Variants in HRH1 observed in about 807,000 individuals in gnomAD.
HRH1 encodes the protein histamine receptor H1, also known as histamine H1 receptor.
Under a neutral mutation model 10.3 loss-of-function variants are expected in HRH1, and 6 were observed. The ratio of observed to expected loss-of-function variants is 0.58; its 90% CI spans 0.32 to 1.15. The LOEUF (loss-of-function observed/expected upper bound fraction) is 1.15, where lower values mean the gene tolerates loss of function less well. Ranked by LOEUF, HRH1 falls within the 50% of genes most tolerant of loss-of-function variation. The pLI is 0.05. For missense variants in HRH1, 514 were observed against 615.3 expected (o/e 0.84, Z 1.74); for synonymous variants, 242 against 236.7 (o/e 1.02, Z -0.21).
At chr3:11,225,780 G>A in intron 1 of HRH1, among the ~76,000 whole-genome samples, 1 of 152,228 alleles carries the variant, frequency 6.6e-6, no homozygotes, top group Non-Finnish European at 1.5e-5. Flanking sequence ...CTGCCTCCCG[G>A]GTTCAGGCGA....
At chr3:11,169,401 G>A (rs1034199594) in intron 1 of HRH1, among the ~76,000 whole-genome samples, 1 of 152,182 alleles carries the variant, frequency 6.6e-6, no homozygotes, top group African/African-American at 2.4e-5. Context: ...GAAACGAAGA[G>A]ATGGGGGAAG....
chr3:11,181,892 A>G (rs1937361995), intron 1 of HRH1, among the ~76,000 whole-genome samples: 1 of 152,100 alleles, frequency 6.6e-6, no homozygotes, highest in Admixed American at 6.5e-5. Flanking sequence ...TGGCTTCCCA[A>G]AGTGCTGGGA....
chr3:11,158,845 T>C (rs1007360620), intron 1 of HRH1, among the ~76,000 whole-genome samples: 2 of 152,246 alleles, frequency 1.3e-5, no homozygotes, highest in Non-Finnish European at 2.9e-5. Context: ...AAACACCATA[T>C]ACAATTGTAA....
At chr3:11,147,781 C>A (rs1936488253) in intron 1 of HRH1, among the ~76,000 whole-genome samples, 1 of 152,160 alleles carries the variant, frequency 6.6e-6, no homozygotes, top group Non-Finnish European at 1.5e-5. Flanking sequence ...GGTGAAGTGA[C>A]TTTCTAAATA....
chr3:11,253,972 G>A (rs879902347), intron 1 of HRH1, among the ~76,000 whole-genome samples: 3 of 151,996 alleles, frequency 2.0e-5, no homozygotes, highest in Non-Finnish European at 4.4e-5. Context: ...GGGAGAGGAA[G>A]GTTCTTCAGT....
chr3:11,199,991 G>A lies in HRH1; in HGVS notation c.-36+45437G>A, dbSNP rs1057025256. Among the ~76,000 whole-genome samples, 3 of 152,148 alleles carry A rather than the reference G, an allele frequency of 2.0e-5. No individual in the cohort carries two copies. In the East Asian group the frequency reaches 5.8e-4, roughly 29 times the overall value. ...TGTTGCTGGTGATTTGTTCAGTAGTGGACATGACACATGTGGGAGGTTGGT... is the reference window on the plus strand; with the variant it reads ...TGTTGCTGGTGATTTGTTCAGTAGTAGACATGACACATGTGGGAGGTTGGT... On this transcript the variant is annotated intron_variant, in intron 1 of 1. Transcript: ENST00000431010.
intron 1 of HRH1, among the ~76,000 whole-genome samples, chr3:11,156,950 C>CTA (rs1344638966): frequency 2.6e-5 from 4 of 152,230 alleles, no homozygotes; most frequent in Non-Finnish European, 5.9e-5. Flanking sequence ...TAGTCTGAGA[C>CTA]TTGAAGTCTC....
chr3:11,183,576 G>A (rs1417534973), intron 1 of HRH1, among the ~76,000 whole-genome samples: 1 of 152,156 alleles, frequency 6.6e-6, no homozygotes, highest in Non-Finnish European at 1.5e-5. Context: ...CTACAGAACT[G>A]GTCCTGCTCT....
chr3:11,140,600 C>A (rs759272728), intron 1 of HRH1, among the ~76,000 whole-genome samples: 1 of 152,142 alleles, frequency 6.6e-6, no homozygotes, highest in Non-Finnish European at 1.5e-5. Flanking sequence ...ACCCTGCTCG[C>A]GGGTGACCTC....
chr3:11,182,814 G>A (rs918615853), intron 1 of HRH1, among the ~76,000 whole-genome samples: 10 of 152,148 alleles, frequency 6.6e-5, no homozygotes, highest in Non-Finnish European at 1.5e-4. Flanking sequence ...GAGAGGTGAA[G>A]TTTCTTACCT....
Position 11,154,948 on chromosome 3 carries a change from G to A in HRH1, c.-36+394G>A, listed in dbSNP as rs1056815327. Among the ~76,000 whole-genome samples, 22 of 152,226 alleles carry A rather than the reference G, an allele frequency of 1.4e-4. No homozygotes were observed. Among genetic ancestry groups the A allele is most frequent in the African/African-American group, 4.6e-4 (19 of 41,466 alleles). The stretch of plus-strand genomic sequence containing the variant: ...ACCGTAGTGCCAGCCCATTGGTTGA[G>A]TGCGTTCACTGTGCCAGGCTTTGGG... On this transcript the variant is annotated intron_variant, in intron 1 of 1. Transcript: ENST00000431010. This position sits in a 1 kb window ranked among gnomAD's most constrained non-coding sequence, Gnocchi z 4.4.
At chr3:11,205,135 G>A (rs1472244424) in intron 1 of HRH1, among the ~76,000 whole-genome samples, 1 of 152,240 alleles carries the variant, frequency 6.6e-6, no homozygotes, top group Non-Finnish European at 1.5e-5. Flanking sequence ...TTCTTGGTAG[G>A]TAGGTCTGAG....
chr3:11,232,940 A>G (rs1346933914), intron 1 of HRH1, among the ~76,000 whole-genome samples: 1 of 152,228 alleles, frequency 6.6e-6, no homozygotes, highest in African/African-American at 2.4e-5. Context: ...TCTGAAAAAT[A>G]TAATGCCATT....
intron 1 of HRH1, chr3:11,234,674 A>C: frequency 3.3e-6 from 4 of 1,209,068 alleles, no homozygotes; most frequent in Non-Finnish European, 3.7e-6. Context: ...TGCCGGCAGT[A>C]GGACATGGCT....
At chr3:11,224,120 T>A (rs1002323609) in intron 1 of HRH1, among the ~76,000 whole-genome samples, 1 of 152,148 alleles carries the variant, frequency 6.6e-6, no homozygotes, top group Non-Finnish European at 1.5e-5. Flanking sequence ...CTCAACCATC[T>A]CATTTCACTC....
At chr3:11,152,642 C>T (rs931459279), upstream of HRH1, among the ~76,000 whole-genome samples, 7 of 146,844 alleles carry the variant, frequency 4.8e-5, no homozygotes, top group Admixed American at 1.4e-4. Context: ...CCACCTCCAT[C>T]CCCCCCTTAC....
chr3:11,178,848 ATCACT>A (rs1476455264), intron 1 of HRH1, among the ~76,000 whole-genome samples: 4 of 152,036 alleles, frequency 2.6e-5, no homozygotes, highest in Admixed American at 6.6e-5. Flanking sequence ...ACTTGGGTAA[ATCACT>A]TCACCTCTCG....
intron 1 of HRH1, among the ~76,000 whole-genome samples, chr3:11,175,901 G>A (rs1937239462): frequency 6.6e-6 from 1 of 152,190 alleles, no homozygotes; most frequent in African/African-American, 2.4e-5. Context: ...GCTCACGCCT[G>A]TAATCCTAGC....
rs114950305 is a variant in HRH1, at chr3:11,234,673, T to C, written c.-35-24330T>C. On this transcript the variant is annotated intron_variant, in intron 1 of 1. Transcript: ENST00000431010. The stretch of plus-strand genomic sequence containing the variant: ...TCGATCCTTCCCTTCCTGCCGGCAG[T>C]AGGACATGGCTGCAGCCCTGCCCTG... 9.7e-4 allele frequency: 1,159 copies of C among 1,199,520 alleles called. 8 individuals are homozygous for C. The African/African-American group carries it at 0.015, about 16-fold the overall frequency. 74.3% of individuals were successfully genotyped at this position (1,199,520 alleles called of 1,614,324 possible). A position where few individuals can be genotyped will look rare whatever the true frequency, so the allele number is the denominator to read the frequency against.
Sources: allele counts gnomAD v4.1 joint callset (sites outside exome capture counted in the v4.1 genomes callset), GRCh38; gene constraint gnomAD v4.1.1; non-coding constraint Gnocchi (gnomAD v3.1); transcripts MANE v1.5; gene names NCBI Gene and HGNC (gene_info 2026-07-23, HGNC 2026-07-21).